BCAS3: variants seen among roughly 807,000 people sequenced by gnomAD.
BCAS3 encodes the protein BCAS3 microtubule associated cell migration factor.
BCAS3 carries 53 observed loss-of-function variants against 116.1 expected under a neutral mutation model. The observed-to-expected ratio is 0.46, with a 90% CI of 0.37 to 0.57. The LOEUF (loss-of-function observed/expected upper bound fraction) is 0.57. Among genes scored for constraint, BCAS3 ranks in the 20% least tolerant of loss-of-function variants. The pLI is 0.00. For missense variants in BCAS3, 917 were observed against 1,165.4 expected, an observed-to-expected ratio of 0.79 and a Z score of 3.10; for synonymous variants, 391 against 408.2, an observed-to-expected ratio of 0.96 and a Z score of 0.51.
intron 5 of BCAS3, among the ~76,000 whole-genome samples, chr17:60,714,624 G>T (rs898007150): frequency 1.3e-5 from 2 of 152,168 alleles, no homozygotes; most frequent in African/African-American, 4.8e-5. Flanking sequence ...CGGTACTCTT[G>T]CCTGGGTGAC....
chr17:61,242,784 A>T (rs1963311546), intron 22 of BCAS3, among the ~76,000 whole-genome samples: 1 of 152,038 alleles, frequency 6.6e-6, no homozygotes, highest in Non-Finnish European at 1.5e-5. Context: ...TTCTCTAAAG[A>T]TTATTGCCTC....
At chr17:61,193,551 A>C (rs1020821686) in intron 22 of BCAS3, among the ~76,000 whole-genome samples, 1 of 151,720 alleles carries the variant, frequency 6.6e-6, no homozygotes, top group African/African-American at 2.4e-5. Flanking sequence ...TGAGGTCCGG[A>C]GTTTGAGACC....
intron 22 of BCAS3, among the ~76,000 whole-genome samples, chr17:61,284,479 CT>C (rs1438891003): frequency 6.6e-6 from 1 of 152,206 alleles, no homozygotes; most frequent in Non-Finnish European, 1.5e-5. Flanking sequence ...GACACACCAT[CT>C]TTAAGAACTG....
chr17:61,368,119 T>C lies in BCAS3; in HGVS notation c.2426-208T>C, dbSNP rs2058835837. ...ACAGTTGTAAAACCACCAGCCTCAG[T>C]GTCACGGAAGTCACTCCAGAGGTCT... On this transcript the variant is annotated intron_variant, in intron 22 of 23. Coordinates refer to ENST00000407086, the MANE Select transcript of BCAS3 (RefSeq NM_017679.5). This position sits in a 1 kb window ranked among gnomAD's most constrained non-coding sequence, Gnocchi z 6.0. The C allele has an allele frequency of 4.6e-6, 2 of 430,850 alleles. No homozygotes were observed. The highest frequency in any genetic ancestry group is 3.9e-5 in the African/African-American group (2 of 50,708). The allele number at this position is 430,850 out of a possible 1,614,324, so 26.7% of individuals were successfully genotyped here.
chr17:60,747,429 C>A, intron 6 of BCAS3, 150 bp downstream of exon 6: 1 of 610,940 alleles, frequency 1.6e-6, no homozygotes, highest in Non-Finnish European at 2.9e-6. Context: ...AAACTTAGTT[C>A]TGTCAGTTGA....
chr17:60,957,339 T>C lies in BCAS3; in HGVS notation c.1221+9987T>C, dbSNP rs749632691. On this transcript the variant is annotated intron_variant, in intron 14 of 23. Transcript: ENST00000407086. ...TTAACTGATAACTATTTGATGGTCA[T>C]TTTAGATAAATGCAAATATTTGTTT... 6.6e-5 allele frequency among the ~76,000 whole-genome samples: 10 copies of C among 152,192 alleles called. 1 individual carries two copies. Among genetic ancestry groups the C allele is most frequent in the Non-Finnish European group, 1.3e-4 (9 of 68,026 alleles).
intron 5 of BCAS3, among the ~76,000 whole-genome samples, chr17:60,729,904 C>T (rs1448763435): frequency 6.6e-6 from 1 of 152,216 alleles, no homozygotes; most frequent in African/African-American, 2.4e-5. Context: ...AATGGTGTTA[C>T]ATTGACTTCT....
intron 22 of BCAS3, among the ~76,000 whole-genome samples, chr17:61,350,112 G>A (rs1036593686): frequency 3.3e-5 from 5 of 151,964 alleles, no homozygotes; most frequent in East Asian, 1.9e-4. Context: ...CCTTTTTTGG[G>A]TTCTTTTATT....
chr17:61,045,823 T>TCTCTCTCTCTCTCTCTCTCTCTCTCTC (rs2068003623), intron 19 of BCAS3, among the ~76,000 whole-genome samples: 1 of 34,628 alleles, frequency 2.9e-5, no homozygotes, highest in Admixed American at 5.2e-4. Context: ...TCATCTCTCT[T>TCTCTCTCTCTCTCTCTCTCTCTCTCTC]TCTCTCTCTC....
rs1165892802 is a variant in BCAS3 at position 60,999,161 on chromosome 17, G to T, written c.1486+8926G>T. Among the ~76,000 whole-genome samples the T allele has an allele frequency of 2.6e-5, 4 of 152,262 alleles. No homozygotes were observed. The East Asian group carries it at 5.8e-4, about 22-fold the overall frequency. ...GTGCAGCTTTATTTCAGAGTTCTCT[G>T]TTCTTTTCCATTGGTCTATGTGTCT... On this transcript the variant is annotated intron_variant, in intron 15 of 23. Coordinates refer to ENST00000407086, the MANE Select transcript of BCAS3 (RefSeq NM_017679.5).
rs375428590 is a variant in BCAS3 at position 60,855,898 on chromosome 17, T to C, written c.477-12678T>C. On this transcript the variant is annotated intron_variant, in intron 7 of 23. Transcript: ENST00000407086. ...GGTTTCACCATGTTGTCAAGGCTGG[T>C]CTCGAACTCCTGAGCTCAAGTGATC... Among the ~76,000 whole-genome samples the C allele has an allele frequency of 4.6e-5, 7 of 152,214 alleles. No individual in the cohort carries two copies. The East Asian group carries it at 1.2e-3, about 25-fold the overall frequency.
chr17:60,693,726 T>C (rs2035187950), intron 4 of BCAS3, among the ~76,000 whole-genome samples: 1 of 151,634 alleles, frequency 6.6e-6, no homozygotes, highest in South Asian at 2.1e-4. Context: ...CCAGTTCTAA[T>C]ATCAAGGTCT....
At chr17:60,750,458 TC>T (rs1352611805) in intron 6 of BCAS3, among the ~76,000 whole-genome samples, 1 of 151,994 alleles carries the variant, frequency 6.6e-6, no homozygotes, top group African/African-American at 2.4e-5. Flanking sequence ...TTATTGTAGT[TC>T]CTAGCCATTA....
chr17:61,271,486 C>T lies in BCAS3; in HGVS notation c.2426-96841C>T, dbSNP rs1406318342. Among the ~76,000 whole-genome samples, 14 of 136,070 alleles carry T rather than the reference C, an allele frequency of 1.0e-4. No homozygotes were observed. The South Asian group carries it at 1.5e-3, about 14-fold the overall frequency. The allele number at this position is 136,070 out of a possible 152,430, so 89.3% of individuals were successfully genotyped here. Reference sequence around the variant, plus strand: ...TTACCCAGGCTGGAGTGCAGTGGCGCGATCTTGGCTCACTGCAACCTCTGT... The same window carrying T: ...TTACCCAGGCTGGAGTGCAGTGGCGTGATCTTGGCTCACTGCAACCTCTGT... On this transcript the variant is annotated intron_variant, in intron 22 of 23. Coordinates refer to ENST00000407086, the MANE Select transcript of BCAS3 (RefSeq NM_017679.5).
chr17:60,804,370 AC>A (rs1366217005), intron 6 of BCAS3, among the ~76,000 whole-genome samples: 2 of 151,764 alleles, frequency 1.3e-5, no homozygotes, highest in Non-Finnish European at 2.9e-5. Context: ...AATCCCACCT[AC>A]TCAGGAGGCT....
rs369598193 is a variant in BCAS3 at position 60,910,729 on chromosome 17, T to C, written c.993+27T>C. ...TAAGAAGAACTTTTGGTGCGTACCA[T>C]GTGTGTTACTTGCAAAGATGGGGCT... On this transcript the variant is annotated intron_variant, in intron 12 of 23. Transcript: ENST00000407086. 7.7e-6 allele frequency: 12 copies of C among 1,561,994 alleles called. No individual in the cohort carries two copies. In the African/African-American group the frequency reaches 1.5e-4, roughly 20 times the overall value.
chr17:60,678,844 C>G (rs2032479129), intron 1 of BCAS3, among the ~76,000 whole-genome samples: 1 of 152,136 alleles, frequency 6.6e-6, no homozygotes, highest in South Asian at 2.1e-4. Flanking sequence ...TTCTCTCACC[C>G]TTGTAATTTA....
chr17:60,714,459 T>G (rs1044454117), intron 5 of BCAS3, among the ~76,000 whole-genome samples: 19 of 152,098 alleles, frequency 1.2e-4, no homozygotes, highest in Middle Eastern at 3.4e-3. Context: ...AGGTCAAGAG[T>G]TTGAGACCAT....
chr17:60,901,241 T>G (rs2057876164), intron 10 of BCAS3, among the ~76,000 whole-genome samples: 2 of 151,054 alleles, frequency 1.3e-5, no homozygotes, highest in South Asian at 2.1e-4. Context: ...GGTAAGAGTG[T>G]TGTTGTTGTT....
Sources: allele counts gnomAD v4.1 joint callset (sites outside exome capture counted in the v4.1 genomes callset), GRCh38; gene constraint gnomAD v4.1.1; non-coding constraint Gnocchi (gnomAD v3.1); transcripts MANE v1.5; gene names NCBI Gene and HGNC (gene_info 2026-07-23, HGNC 2026-07-21).